The following CIT variants were observed in gnomAD, a reference collection of about 807,000 sequenced individuals.
CIT encodes the protein citron Rho-interacting kinase.
Under a neutral mutation model 272.7 loss-of-function variants are expected in CIT, and 79 were observed. That is an observed-to-expected ratio of 0.29 (90% CI 0.24 to 0.35). The LOEUF (loss-of-function observed/expected upper bound fraction) is 0.35, where lower values mean the gene tolerates loss of function less well. Among genes scored for constraint, CIT ranks in the 10% least tolerant of loss-of-function variants. The pLI is 1.00. For synonymous variants in CIT, 948 were observed against 995.6 expected (o/e 0.95, Z 0.90); for missense variants, 1,909 against 2,618.3 (o/e 0.73, Z 5.91).
chr12:119,781,981 T>C (rs1344398917), intron 13 of CIT, among the ~76,000 whole-genome samples: 1 of 152,172 alleles, frequency 6.6e-6, no homozygotes, highest in Non-Finnish European at 1.5e-5. Context: ...CCACATGGTC[T>C]CTGTAACAAC....
Position 119,867,777 on chromosome 12 carries a change from G to A in CIT, c.238+1283C>T, listed in dbSNP as rs530141318. On this transcript the variant is annotated intron_variant, in intron 3 of 47. Coordinates refer to ENST00000392521, the MANE Select transcript of CIT (RefSeq NM_001206999.2). The stretch of plus-strand genomic sequence containing the variant: ...TTGAAAAACACTAATGTAAGAGTAT[G>A]AAACTGGGACACTAACAGCCAACTG... Among the ~76,000 whole-genome samples, 6 of 152,122 alleles carry A rather than the reference G, an allele frequency of 3.9e-5. No individual in the cohort carries two copies. The East Asian group carries it at 1.2e-3, about 29-fold the overall frequency.
At chr12:119,794,015 G>A (rs1196217181) in intron 10 of CIT, among the ~76,000 whole-genome samples, 1 of 152,126 alleles carries the variant, frequency 6.6e-6, no homozygotes, top group Non-Finnish European at 1.5e-5. Context: ...GTCACCTTGG[G>A]ATGCAACTCA....
chr12:119,762,260 G>T (rs1325683728), intron 19 of CIT, among the ~76,000 whole-genome samples: 1 of 152,158 alleles, frequency 6.6e-6, no homozygotes, highest in African/African-American at 2.4e-5. Context: ...AAATAGAATG[G>T]AAGTTGGAAG....
intron 7 of CIT, among the ~76,000 whole-genome samples, chr12:119,827,210 G>T (rs1968241777): frequency 6.6e-6 from 1 of 152,114 alleles, no homozygotes; most frequent in Non-Finnish European, 1.5e-5. Flanking sequence ...GGCAGGCTTG[G>T]CTTGATAGAC....
At chr12:119,863,088 G>C (rs189355003) in intron 3 of CIT, among the ~76,000 whole-genome samples, 109 of 149,360 alleles carry the variant, frequency 7.3e-4, no homozygotes, top group Non-Finnish European at 1.0e-3. Context: ...TGTAGTCCCA[G>C]CTACTCAGGA....
intron 46 of CIT, among the ~76,000 whole-genome samples, chr12:119,691,171 CAAAAAAAAA>C (rs35222584): frequency 2.8e-5 from 2 of 70,256 alleles, no homozygotes; most frequent in African/African-American, 1.2e-4. Context: ...GACTCCGTCT[CAAAAAAAAA>C]AAAAAAAAAA....
intron 40 of CIT, among the ~76,000 whole-genome samples, chr12:119,707,001 C>T (rs1303766574): frequency 1.3e-5 from 2 of 152,200 alleles, no homozygotes; most frequent in Non-Finnish European, 2.9e-5. Context: ...TTATGTGCCA[C>T]TTTTCAATAT....
At position 119,768,338 on chromosome 12, in the gene CIT, G is replaced by C. The variant is rs1421182612; in HGVS notation, c.2209-1156C>G. Among the ~76,000 whole-genome samples, 4 of 152,208 alleles carry C rather than the reference G, an allele frequency of 2.6e-5. No individual in the cohort carries two copies. In the East Asian group the frequency reaches 7.7e-4, roughly 29 times the overall value. ...TAAAACATTCTGTAAATGCACAGCT[G>C]CATCTATATTAATTCTTATGAATCT... On this transcript the variant is annotated intron_variant, in intron 18 of 47. Coordinates refer to ENST00000392521, the MANE Select transcript of CIT (RefSeq NM_001206999.2). The surrounding 1 kb of genome is among the most constrained non-coding windows in gnomAD (Gnocchi z 4.3).
chr12:119,787,322 G>T (rs908540051), intron 10 of CIT, among the ~76,000 whole-genome samples: 2 of 151,820 alleles, frequency 1.3e-5, no homozygotes, highest in Non-Finnish European at 2.9e-5. Context: ...TCCCAGCTAC[G>T]TGGGAGGCTG....
In CIT at chr12:119,700,735, C is replaced by A; in HGVS notation, c.5623+10G>T. 3 of 1,610,600 alleles carry A rather than the reference C, an allele frequency of 1.9e-6. No individual in the cohort carries two copies. Among genetic ancestry groups the A allele is most frequent in the Non-Finnish European group, 2.5e-6 (3 of 1,176,860 alleles). ...GCAAAAGAGAAGCCCCCACACTGAGCCTCACGTACCAAAGGCCAAAGGTAA... is the reference window on the plus strand; with the variant it reads ...GCAAAAGAGAAGCCCCCACACTGAGACTCACGTACCAAAGGCCAAAGGTAA... On this transcript the variant is annotated intron_variant, in intron 44 of 47. Transcript: ENST00000392521.
At chr12:119,689,747 G>A (rs1228029675) in intron 47 of CIT, among the ~76,000 whole-genome samples, 1 of 134,046 alleles carries the variant, frequency 7.5e-6, no homozygotes, top group Non-Finnish European at 1.5e-5. Context: ...GCGCGATCTC[G>A]GCTCACTGCA....
rs149158991 is a variant in CIT at position 119,701,660 on chromosome 12, C to T, written c.5506G>A (p.Ala1836Thr). Residue 1836 changes from alanine to threonine, a missense_variant, in exon 43 of 48, where the codon GCA becomes ACA. Ala to Thr is a moderately conservative substitution (Grantham distance 58, BLOSUM62 0). Around this residue, in one of 8 missense-constraint regions of CIT, gnomAD observed 780 missense variants for 1,067.2 expected, o/e 0.73. Coordinates refer to ENST00000392521, the MANE Select transcript of CIT (RefSeq NM_001206999.2). ...FPVSIVQVNS[A>T]GQREEYLLCF... ...AGCAAGTACTCCTCTCGCTGCCCTG[C>T]GCTGTTCACCTGCACGATTGAGACA... 886 of 1,614,188 alleles carry T rather than the reference C, an allele frequency of 5.5e-4. 2 individuals are homozygous for T. In the African/African-American group the frequency reaches 5.7e-3, roughly 10 times the overall value.
intron 26 of CIT, among the ~76,000 whole-genome samples, chr12:119,731,823 T>C (rs985806853): frequency 1.5e-5 from 2 of 132,360 alleles, no homozygotes; most frequent in East Asian, 2.0e-4. Context: ...AATATATATA[T>C]ATATATATAT....
intron 6 of CIT, 61 bp from the exon 7 acceptor site, chr12:119,832,925 C>T: frequency 1.6e-6 from 2 of 1,262,796 alleles, no homozygotes; most frequent in Non-Finnish European, 2.3e-6. Flanking sequence ...CAAGTGCTAA[C>T]CTAGAATCTC....
intron 3 of CIT, among the ~76,000 whole-genome samples, chr12:119,867,189 A>G (rs1283530526): frequency 6.6e-6 from 1 of 151,540 alleles, no homozygotes; most frequent in Non-Finnish European, 1.5e-5. Context: ...AGGTAATACA[A>G]TAACTTTTTT....
intron 21 of CIT, among the ~76,000 whole-genome samples, chr12:119,758,085 T>C (rs1168892358): frequency 2.0e-5 from 3 of 152,178 alleles, no homozygotes; most frequent in African/African-American, 7.2e-5. Flanking sequence ...TGGGACTGTT[T>C]TGGGAGATCT....
chr12:119,785,030 G>A lies in CIT; in HGVS notation c.1331C>T (p.Thr444Ile). The change falls in exon 11 of 48, where the codon ACT becomes ATT. Residue 444 changes from threonine to isoleucine, a missense_variant. This residue lies in a region of CIT where 529 missense variants were observed against 549.6 expected (regional missense o/e 0.96). Coordinates refer to ENST00000392521, the MANE Select transcript of CIT (RefSeq NM_001206999.2). ...VVSGLDSPAKTSSMEKKLLIK... is the reference protein window; with the variant it reads ...VVSGLDSPAKISSMEKKLLIK... ...GAGAAGTTTCTTTTCCATGGAGCTA[G>A]TCTTGGCAGGGGAGTCCAGACCCGA... The A allele has an allele frequency of 6.2e-7, 1 of 1,614,242 alleles. No individual in the cohort carries two copies. The highest frequency in any genetic ancestry group is 8.5e-7 in the Non-Finnish European group (1 of 1,180,042).
At chr12:119,868,453 A>G (rs1950576420) in intron 3 of CIT, among the ~76,000 whole-genome samples, 2 of 152,182 alleles carry the variant, frequency 1.3e-5, no homozygotes, top group Non-Finnish European at 2.9e-5. Flanking sequence ...GGACAGGGCC[A>G]CGGGATATTA....
chr12:119,768,100 C>T lies in CIT; in HGVS notation c.2209-918G>A, dbSNP rs1593663847. ...CTAATTTTTGTATTTTTAGTAGAGG[C>T]GAGGTTTCACCATGTCGGTCAGGCT... On this transcript the variant is annotated intron_variant, in intron 18 of 47. Coordinates refer to ENST00000392521, the MANE Select transcript of CIT (RefSeq NM_001206999.2). The surrounding 1 kb of genome is among the most constrained non-coding windows in gnomAD (Gnocchi z 4.3). Among the ~76,000 whole-genome samples, 1 of 152,050 alleles carries T rather than the reference C, an allele frequency of 6.6e-6. No homozygotes were observed. The highest frequency in any genetic ancestry group is 1.9e-4 in the East Asian group (1 of 5,170).
Sources: gnomAD v4.1 joint callset for allele counts (sites outside exome capture counted in the v4.1 genomes callset) on GRCh38, gnomAD v4.1.1 for gene constraint, gnomAD v4.1.1 regional missense constraint, Gnocchi (gnomAD v3.1) non-coding constraint, MANE v1.5 for transcripts, NCBI Gene and HGNC (gene_info 2026-07-23, HGNC 2026-07-21) for gene names.